The following PRKACB variants were observed in gnomAD, a reference collection of about 807,000 sequenced individuals.
The protein encoded by PRKACB is cAMP-dependent protein kinase catalytic subunit beta.
A neutral mutation model predicts 51.4 loss-of-function variants in PRKACB; 16 were observed. The observed-to-expected ratio is 0.31, with a 90% CI of 0.21 to 0.47. The LOEUF (loss-of-function observed/expected upper bound fraction) is 0.47, where lower values mean the gene tolerates loss of function less well. PRKACB is among the 20% of genes least tolerant of loss of function. The probability of loss-of-function intolerance (pLI) is 1.00; values close to 1 mark genes in which losing one functional copy is unlikely to be tolerated. For synonymous variants in PRKACB, 147 were observed against 154.4 expected (o/e 0.95, Z 0.35); for missense variants, 309 against 464.5 (o/e 0.67, Z 3.08).
At position 84,236,133 on chromosome 1, in the gene PRKACB, C is replaced by T. The variant is rs548639457; in HGVS notation, c.*828C>T. On this transcript the variant is annotated 3_prime_UTR_variant, in exon 10 of 10. Coordinates refer to ENST00000370685, the MANE Select transcript of PRKACB (RefSeq NM_182948.4). The stretch of plus-strand genomic sequence containing the variant: ...AGAGAAGAGTTCTAAGTTTTCTAAA[C>T]CTTAACTGTTCCTTAAGGATTTTAG... 6.6e-6 allele frequency: 1 copy of T among 152,668 alleles called. No homozygotes were observed. The highest frequency in any genetic ancestry group is 2.1e-4 in the South Asian group (1 of 4,822). The allele number at this position is 152,668 out of a possible 1,614,324, so 9.5% of individuals were successfully genotyped here.
chr1:84,093,242 A>G (rs1180714131), intron 1 of PRKACB, among the ~76,000 whole-genome samples: 1 of 151,656 alleles, frequency 6.6e-6, no homozygotes, highest in Non-Finnish European at 1.5e-5. Context: ...ATTTAGAACT[A>G]CAGTCTGTCT....
At chr1:84,089,673 T>TTTGA (rs1648300327) in intron 1 of PRKACB, among the ~76,000 whole-genome samples, 1 of 152,214 alleles carries the variant, frequency 6.6e-6, no homozygotes, top group Admixed American at 6.5e-5. Context: ...TCACTGCACC[T>TTTGA]CTGTTCTTTG....
intron 1 of PRKACB, among the ~76,000 whole-genome samples, chr1:84,152,026 C>T (rs570138712): frequency 6.6e-6 from 1 of 152,290 alleles, no homozygotes; most frequent in South Asian, 2.1e-4. Flanking sequence ...ACACCTTTAG[C>T]CTTATAAAAT....
chr1:84,185,975 A>T (rs1457039646), intron 5 of PRKACB, among the ~76,000 whole-genome samples: 1 of 152,150 alleles, frequency 6.6e-6, no homozygotes, highest in African/African-American at 2.4e-5. Context: ...GTGTCTAGAA[A>T]ACAAAGAAAA....
chr1:84,198,770 AC>A, intron 7 of PRKACB, among the ~76,000 whole-genome samples: 1 of 150,828 alleles, frequency 6.6e-6, no homozygotes, highest in African/African-American at 2.4e-5. Flanking sequence ...CCAAAAAAAA[AC>A]CTATATGTAA....
At chr1:84,188,437 A>AT (rs1430499342) in intron 5 of PRKACB, among the ~76,000 whole-genome samples, 9 of 151,868 alleles carry the variant, frequency 5.9e-5, no homozygotes, top group Admixed American at 3.3e-4. Flanking sequence ...ATTGTAAATA[A>AT]TTTTGAGAAT....
At chr1:84,151,994 A>G (rs1558031281) in intron 1 of PRKACB, among the ~76,000 whole-genome samples, 1 of 152,218 alleles carries the variant, frequency 6.6e-6, no homozygotes. Flanking sequence ...GCCCAGATCC[A>G]TCAGAGGAAT....
intron 7 of PRKACB, among the ~76,000 whole-genome samples, chr1:84,198,957 T>TATATGTGTATATATACATATATATG (rs1484812683): frequency 1.4e-5 from 2 of 146,348 alleles, no homozygotes; most frequent in Non-Finnish European, 3.0e-5. Flanking sequence ...ACATATATAT[T>TATATGTGTATATATACATATATATG]CATATATATG....
At chr1:84,219,227 G>GT (rs772119278) in intron 9 of PRKACB, among the ~76,000 whole-genome samples, 4,472 of 140,028 alleles carry the variant, frequency 0.032, 235 homozygotes, top group African/African-American at 0.1. Flanking sequence ...TGTTTATTAG[G>GT]TTTTTTTTTT....
Position 84,235,582 on chromosome 1 carries a change from T to G in PRKACB, c.*277T>G, listed in dbSNP as rs936093902. ...CTCCTCTCCTATATCCATTTCTTCC[T>G]TTTCCAATTTCATTGGTTTTCTCTA... On this transcript the variant is annotated 3_prime_UTR_variant, in exon 10 of 10. Transcript: ENST00000370685. 8 of 303,492 alleles carry G rather than the reference T, an allele frequency of 2.6e-5. No homozygotes were observed. The highest frequency in any genetic ancestry group is 4.3e-5 in the Non-Finnish European group (7 of 164,640). The allele number at this position is 303,492 out of a possible 1,614,324, so 18.8% of individuals were successfully genotyped here. A position where few individuals can be genotyped will look rare whatever the true frequency, so the allele number is the denominator to read the frequency against.
intron 7 of PRKACB, among the ~76,000 whole-genome samples, chr1:84,202,301 ATC>A (rs1460140366): frequency 1.3e-5 from 2 of 151,990 alleles, no homozygotes; most frequent in Admixed American, 6.6e-5. Context: ...GCTGTGGAAA[ATC>A]TGTTTCATAA....
At chr1:84,082,178 G>C (rs1002289594) in intron 1 of PRKACB, among the ~76,000 whole-genome samples, 1 of 152,164 alleles carries the variant, frequency 6.6e-6, no homozygotes, top group African/African-American at 2.4e-5. Context: ...TAGCTAGTAA[G>C]TCAAGAAGCA....
intron 9 of PRKACB, among the ~76,000 whole-genome samples, chr1:84,220,716 C>T (rs1673573772): frequency 6.6e-6 from 1 of 151,996 alleles, no homozygotes; most frequent in Admixed American, 6.6e-5. Flanking sequence ...TTTTGTTGTT[C>T]ATTCTACTAA....
At chr1:84,151,793 T>C (rs1382709704) in intron 1 of PRKACB, among the ~76,000 whole-genome samples, 3 of 152,206 alleles carry the variant, frequency 2.0e-5, no homozygotes, top group Non-Finnish European at 4.4e-5. Context: ...AATTATCTTG[T>C]AATTTTTTAC....
At chr1:84,164,259 G>T in intron 1 of PRKACB, 2 of 1,454,936 alleles carry the variant, frequency 1.4e-6, no homozygotes, top group Non-Finnish European at 1.8e-6. Flanking sequence ...AAAGCTATCA[G>T]CGATCTCGGC....
At position 84,137,383 on chromosome 1, in the gene PRKACB, C is replaced by T. The variant is rs185935953; in HGVS notation, c.47-41794C>T. Among the ~76,000 whole-genome samples, 597 of 152,046 alleles carry T rather than the reference C, an allele frequency of 3.9e-3. 3 individuals carry two copies. The highest frequency in any genetic ancestry group is 0.02 in the Middle Eastern group (6 of 294). ...AGTGGTAAAAAATATCATTAGGTGCCAAGGTTCAGGGAAACACAAGGGATT... is the reference window on the plus strand; with the variant it reads ...AGTGGTAAAAAATATCATTAGGTGCTAAGGTTCAGGGAAACACAAGGGATT... On this transcript the variant is annotated intron_variant, in intron 1 of 8. Transcript: ENST00000370688.
chr1:84,146,399 T>C (rs1477729272), intron 1 of PRKACB, among the ~76,000 whole-genome samples: 2 of 151,946 alleles, frequency 1.3e-5, no homozygotes, highest in Non-Finnish European at 2.9e-5. Context: ...TGAAATGTAT[T>C]ATTGTAGAGG....
chr1:84,116,701 A>T (rs896704106), intron 1 of PRKACB, among the ~76,000 whole-genome samples: 1 of 152,074 alleles, frequency 6.6e-6, no homozygotes, highest in Non-Finnish European at 1.5e-5. Context: ...TCATCCATCA[A>T]ATCAGGGAGT....
rs574076031 is a variant in PRKACB, at chr1:84,235,455, G to T, written c.*150G>T. On this transcript the variant is annotated 3_prime_UTR_variant, in exon 10 of 10. Coordinates refer to ENST00000370685, the MANE Select transcript of PRKACB (RefSeq NM_182948.4). ...TCTTTATTGCCATCATCCCGTGTGCGCACTCTGCATCCACCTATGTAACAA... is the reference window on the plus strand; with the variant it reads ...TCTTTATTGCCATCATCCCGTGTGCTCACTCTGCATCCACCTATGTAACAA... The T allele has an allele frequency of 3.1e-6, 3 of 980,362 alleles. No individual in the cohort carries two copies. Among genetic ancestry groups the T allele is most frequent in the Non-Finnish European group, 4.5e-6 (3 of 666,118 alleles). 60.7% of individuals were successfully genotyped at this position (980,362 alleles called of 1,614,324 possible).
Sources: allele counts gnomAD v4.1 joint callset (sites outside exome capture counted in the v4.1 genomes callset), GRCh38; gene constraint gnomAD v4.1.1; transcripts MANE v1.5; gene names NCBI Gene and HGNC (gene_info 2026-07-23, HGNC 2026-07-21).